The following CNTNAP2 variants were observed in gnomAD, a reference collection of about 807,000 sequenced individuals.
CNTNAP2 encodes the protein contactin associated protein 2, also known as contactin-associated protein-like 2.
CNTNAP2 carries 98 observed loss-of-function variants against 155.2 expected under a neutral mutation model. The observed-to-expected ratio is 0.63, with a 90% CI of 0.54 to 0.75. The LOEUF (loss-of-function observed/expected upper bound fraction) is 0.75, where lower values mean the gene tolerates loss of function less well. CNTNAP2 is among the 30% of genes least tolerant of loss of function. CNTNAP2 has a pLI of 0.00. For missense variants in CNTNAP2, 1,727 were observed against 1,688.1 expected, an observed-to-expected ratio of 1.02 and a Z score of -0.40; for synonymous variants, 651 against 631.2, an observed-to-expected ratio of 1.03 and a Z score of -0.47.
intron 9 of CNTNAP2, among the ~76,000 whole-genome samples, chr7:147,384,438 G>C (rs1796594016): frequency 6.6e-6 from 1 of 152,154 alleles, no homozygotes; most frequent in Non-Finnish European, 1.5e-5. Flanking sequence ...GCCTAAAAGA[G>C]ATGTGAATTT....
At chr7:148,193,601 G>C (rs1046029940) in intron 18 of CNTNAP2, among the ~76,000 whole-genome samples, 4 of 151,986 alleles carry the variant, frequency 2.6e-5, no homozygotes, top group African/African-American at 9.7e-5. Flanking sequence ...AATTGGTGGT[G>C]GCAGAGTCTG....
At chr7:146,200,190 G>A (rs79530641) in intron 1 of CNTNAP2, among the ~76,000 whole-genome samples, 1,583 of 152,184 alleles carry the variant, frequency 0.01, 27 homozygotes, top group African/African-American at 0.036. Flanking sequence ...CATACACAAG[G>A]ATGGTCTCAT....
At chr7:147,998,096 CTT>C (rs1297252614) in intron 15 of CNTNAP2, among the ~76,000 whole-genome samples, 1 of 113,694 alleles carries the variant, frequency 8.8e-6, no homozygotes, top group Admixed American at 9.8e-5. Context: ...ATGGTCATTT[CTT>C]TTTTCTTTTT....
At chr7:146,265,084 T>C (rs1283917565) in intron 1 of CNTNAP2, among the ~76,000 whole-genome samples, 1 of 152,188 alleles carries the variant, frequency 6.6e-6, no homozygotes, top group Non-Finnish European at 1.5e-5. Context: ...TGTGTGAGTC[T>C]AAGAAAGCTA....
chr7:146,701,323 C>T (rs1288060783), intron 1 of CNTNAP2, among the ~76,000 whole-genome samples: 1 of 152,072 alleles, frequency 6.6e-6, no homozygotes, highest in Non-Finnish European at 1.5e-5. Flanking sequence ...TCTTAGAGCA[C>T]CTGGCCTTTG....
intron 1 of CNTNAP2, among the ~76,000 whole-genome samples, chr7:146,212,112 A>C (rs1284749785): frequency 1.3e-5 from 2 of 152,218 alleles, no homozygotes; most frequent in Non-Finnish European, 2.9e-5. Flanking sequence ...AATCCAGGAT[A>C]TATAGTTTAA....
At chr7:146,409,163 A>G (rs1207692995) in intron 1 of CNTNAP2, among the ~76,000 whole-genome samples, 1 of 152,220 alleles carries the variant, frequency 6.6e-6, no homozygotes, top group Non-Finnish European at 1.5e-5. Context: ...CCATGAAGTC[A>G]TTCAAGACGT....
In CNTNAP2 at chr7:146,792,133, G is replaced by A. The variant is rs1387414797; in HGVS notation, c.208+17752G>A. ...AATGGTACAGTGATTCATATTTCAG[G>A]CACCTCAATTAGACATTCATTATTC... On this transcript the variant is annotated intron_variant, in intron 2 of 23. Coordinates refer to ENST00000361727, the MANE Select transcript of CNTNAP2 (RefSeq NM_014141.6). Among the ~76,000 whole-genome samples, 4 of 152,050 alleles carry A rather than the reference G, an allele frequency of 2.6e-5. No homozygotes were observed. In the South Asian group the frequency reaches 6.2e-4, roughly 24 times the overall value.
At chr7:147,433,199 A>G (rs1431495374) in intron 10 of CNTNAP2, among the ~76,000 whole-genome samples, 1 of 152,138 alleles carries the variant, frequency 6.6e-6, no homozygotes, top group East Asian at 1.9e-4. Flanking sequence ...TAAATCTTCA[A>G]CCATCATCCT....
intron 10 of CNTNAP2, among the ~76,000 whole-genome samples, chr7:147,414,607 CAAACT>C (rs1304048366): frequency 6.6e-6 from 1 of 151,880 alleles, no homozygotes; most frequent in East Asian, 1.9e-4. Context: ...TATGAATAAA[CAAACT>C]AAAAAGACAG....
chr7:148,350,010 G>A (rs575978126), intron 21 of CNTNAP2, among the ~76,000 whole-genome samples: 1 of 152,330 alleles, frequency 6.6e-6, no homozygotes, highest in South Asian at 2.1e-4. Flanking sequence ...GGGCTTTGAT[G>A]TATCATTTTG....
At chr7:146,433,580 G>T (rs1796201144) in intron 1 of CNTNAP2, among the ~76,000 whole-genome samples, 3 of 152,108 alleles carry the variant, frequency 2.0e-5, no homozygotes, top group Non-Finnish European at 4.4e-5. Flanking sequence ...GTCTGTCTAT[G>T]GATCCAGAGA....
intron 1 of CNTNAP2, among the ~76,000 whole-genome samples, chr7:146,536,844 G>T (rs1797876856): frequency 1.3e-5 from 2 of 151,982 alleles, no homozygotes; most frequent in African/African-American, 4.8e-5. Context: ...AAATGCAAAA[G>T]AGAATCATCA....
chr7:148,397,208 A>G (rs899198115), intron 22 of CNTNAP2, among the ~76,000 whole-genome samples: 1 of 152,364 alleles, frequency 6.6e-6, no homozygotes, highest in Non-Finnish European at 1.5e-5. Flanking sequence ...GGGTGGCCAC[A>G]GAAGTGCGGT....
chr7:147,137,905 A>G (rs1316443816), intron 8 of CNTNAP2, among the ~76,000 whole-genome samples: 2 of 131,038 alleles, frequency 1.5e-5, no homozygotes, highest in African/African-American at 5.3e-5. Context: ...AGATAGATAG[A>G]TAGATAGATA....
chr7:146,466,687 G>A (rs59098821), intron 1 of CNTNAP2, among the ~76,000 whole-genome samples: 32 of 152,232 alleles, frequency 2.1e-4, no homozygotes, highest in South Asian at 4.1e-4. Flanking sequence ...AGTTTTAAGC[G>A]TAATAAATGA....
At position 146,390,783 on chromosome 7, in the gene CNTNAP2, T is replaced by TAGA. The variant is rs1409304745; in HGVS notation, c.97+273810_97+273811insAGA. Among the ~76,000 whole-genome samples, 6 of 140,174 alleles carry TAGA rather than the reference T, an allele frequency of 4.3e-5. No homozygotes were observed. In the East Asian group the frequency reaches 1.3e-3, roughly 29 times the overall value. 92.0% of individuals were successfully genotyped at this position (140,174 alleles called of 152,430 possible). ...ATTATTATACATATTATAATACGTA[T>TAGA]TTTAGCTGGGTGTGGTGGCTCGCGC... On this transcript the variant is annotated intron_variant, in intron 1 of 23. Transcript: ENST00000361727.
intron 2 of CNTNAP2, among the ~76,000 whole-genome samples, chr7:146,798,151 G>C (rs528495291): frequency 6.6e-6 from 1 of 151,824 alleles, no homozygotes; most frequent in African/African-American, 2.4e-5. Flanking sequence ...ACACGCCTGC[G>C]GTCCCAGTTA....
chr7:146,162,042 C>A (rs1378401063), intron 1 of CNTNAP2, among the ~76,000 whole-genome samples: 2 of 152,122 alleles, frequency 1.3e-5, no homozygotes, highest in Non-Finnish European at 2.9e-5. Flanking sequence ...AATGTTAGAC[C>A]TAAAACCATA....
Sources: allele counts gnomAD v4.1 joint callset (sites outside exome capture counted in the v4.1 genomes callset), GRCh38; gene constraint gnomAD v4.1.1; transcripts MANE v1.5; gene names NCBI Gene and HGNC (gene_info 2026-07-23, HGNC 2026-07-21).